Variants in MAML2 observed in about 807,000 individuals in gnomAD.
MAML2 encodes mastermind-like protein 2.
Under a neutral mutation model 96.1 loss-of-function variants are expected in MAML2, and 22 were observed. The observed-to-expected ratio is 0.23, with a 90% confidence interval of 0.16 to 0.33. The LOEUF (loss-of-function observed/expected upper bound fraction) is 0.33. MAML2 is among the 10% of genes least tolerant of loss of function. The pLI, the probability that MAML2 is intolerant of heterozygous loss-of-function variation, is 1.00. For synonymous variants in MAML2, 561 were observed against 521.3 expected (o/e 1.08, Z -1.04); for missense variants, 1,367 against 1,392.4 (o/e 0.98, Z 0.29).
intron 2 of MAML2, among the ~76,000 whole-genome samples, chr11:96,001,862 A>G (rs1210726746): frequency 1.3e-5 from 2 of 152,076 alleles, no homozygotes; most frequent in East Asian, 3.9e-4. Flanking sequence ...CTCACCCTAT[A>G]CAATGGTGAT....
chr11:96,186,396 C>A (rs1372335966), intron 1 of MAML2, among the ~76,000 whole-genome samples: 2 of 152,152 alleles, frequency 1.3e-5, no homozygotes, highest in East Asian at 3.9e-4. Flanking sequence ...TTGAGATCAG[C>A]CTGACCAACA....
At chr11:96,111,403 C>A (rs536044081) in intron 1 of MAML2, among the ~76,000 whole-genome samples, 1 of 152,102 alleles carries the variant, frequency 6.6e-6, no homozygotes, top group Non-Finnish European at 1.5e-5. Flanking sequence ...TTTATCTTTG[C>A]GCGCAGCTGG....
At chr11:96,199,954 T>C (rs1290487057) in intron 1 of MAML2, among the ~76,000 whole-genome samples, 1 of 152,182 alleles carries the variant, frequency 6.6e-6, no homozygotes, top group Non-Finnish European at 1.5e-5. Context: ...ACATTCACCT[T>C]CTCGCTCCAC....
intron 2 of MAML2, among the ~76,000 whole-genome samples, chr11:96,015,328 C>A (rs1216810502): frequency 6.6e-6 from 1 of 152,160 alleles, no homozygotes; most frequent in Non-Finnish European, 1.5e-5. Context: ...TAAGTAGCTT[C>A]ATTTTTCCAA....
chr11:96,047,910 C>CAAAAAAAAAAAAAAAAAAAAAAAAAAAAA (rs71459784), intron 2 of MAML2, among the ~76,000 whole-genome samples: 1 of 82,476 alleles, frequency 1.2e-5, no homozygotes, highest in African/African-American at 4.4e-5. Flanking sequence ...GACTCTGCCT[C>CAAAAAAAAAAAAAAAAAAAAAAAAAAAAA]AAAAAAAAAA....
At chr11:96,318,426 T>C (rs1290863703) in intron 1 of MAML2, among the ~76,000 whole-genome samples, 1 of 152,214 alleles carries the variant, frequency 6.6e-6, no homozygotes, top group Non-Finnish European at 1.5e-5. Context: ...GACAGAGAAG[T>C]GATCATTTAA....
chr11:96,117,583 A>G (rs116061004), intron 1 of MAML2, among the ~76,000 whole-genome samples: 3,700 of 152,244 alleles, frequency 0.024, 144 homozygotes, highest in African/African-American at 0.083. Flanking sequence ...TACAGACATG[A>G]GCCACCATGC....
intron 1 of MAML2, among the ~76,000 whole-genome samples, chr11:96,191,601 C>T (rs377211970): frequency 1.3e-5 from 2 of 151,424 alleles, no homozygotes; most frequent in Non-Finnish European, 2.9e-5. Context: ...GGTGAAACCT[C>T]GTCTACTAAA....
intron 2 of MAML2, among the ~76,000 whole-genome samples, chr11:96,000,182 T>C (rs725271): frequency 0.21 from 31,401 of 152,012 alleles, 3,455 homozygotes; most frequent in East Asian, 0.39. Flanking sequence ...AACAAAACAA[T>C]TGTCAGGAAA....
intron 1 of MAML2, among the ~76,000 whole-genome samples, chr11:96,242,339 A>T (rs12288124): frequency 0.021 from 3,147 of 152,282 alleles, 107 homozygotes; most frequent in South Asian, 0.16. Flanking sequence ...TAGGGATTTT[A>T]AAAAAATGCC....
At chr11:96,116,449 G>T (rs114365301) in intron 1 of MAML2, among the ~76,000 whole-genome samples, 1 of 152,150 alleles carries the variant, frequency 6.6e-6, no homozygotes, top group Admixed American at 6.5e-5. Context: ...GCAGTGGGAC[G>T]CAAACAGAGT....
chr11:96,128,745 G>A (rs1672413452), intron 1 of MAML2, among the ~76,000 whole-genome samples: 1 of 152,180 alleles, frequency 6.6e-6, no homozygotes, highest in Non-Finnish European at 1.5e-5. Context: ...TGTAGAGTTA[G>A]TGACATGTTT....
chr11:96,166,177 TCACACA>T lies in MAML2; in HGVS notation c.514-72666_514-72661del, dbSNP rs1555018442. On this transcript the variant is annotated intron_variant, in intron 1 of 4. Coordinates refer to ENST00000524717, the MANE Select transcript of MAML2 (RefSeq NM_032427.4). ...CTGTCTCTCTCTCTCTCTCTCTCTC[TCACACA>T]CACACACACACACACACACACACAC... Among the ~76,000 whole-genome samples, 89 of 110,384 alleles carry T rather than the reference TCACACA, an allele frequency of 8.1e-4. 1 individual carries two copies. The highest frequency in any genetic ancestry group is 2.7e-3 in the African/African-American group (76 of 28,650). The allele number at this position is 110,384 out of a possible 152,430, so 72.4% of individuals were successfully genotyped here.
intron 1 of MAML2, among the ~76,000 whole-genome samples, chr11:96,339,465 G>C (rs1863961421): frequency 2.0e-5 from 3 of 152,248 alleles, no homozygotes; most frequent in South Asian, 4.1e-4. Flanking sequence ...CAAGGCCAGA[G>C]GCAAACATGC....
At chr11:96,098,678 A>G (rs1859873838) in intron 1 of MAML2, among the ~76,000 whole-genome samples, 1 of 152,140 alleles carries the variant, frequency 6.6e-6, no homozygotes, top group South Asian at 2.1e-4. Flanking sequence ...CCTAGATGCT[A>G]TTTGAGGCCT....
At chr11:96,044,222 G>T (rs569638) in intron 2 of MAML2, among the ~76,000 whole-genome samples, 1 of 152,108 alleles carries the variant, frequency 6.6e-6, no homozygotes, top group Non-Finnish European at 1.5e-5. Context: ...AGAGGGAGGC[G>T]TGCCTGGAAG....
chr11:96,222,356 G>A (rs1390514899), intron 1 of MAML2, among the ~76,000 whole-genome samples: 1 of 152,170 alleles, frequency 6.6e-6, no homozygotes, highest in South Asian at 2.1e-4. Flanking sequence ...ACTGTTGTCA[G>A]TAGCACCATC....
chr11:96,098,754 GC>G (rs1859875157), intron 1 of MAML2, among the ~76,000 whole-genome samples: 1 of 152,222 alleles, frequency 6.6e-6, no homozygotes, highest in African/African-American at 2.4e-5. Context: ...TAGCCTGCCT[GC>G]CCCAACAGCT....
chr11:96,238,115 C>T, intron 1 of MAML2, among the ~76,000 whole-genome samples: 1 of 152,216 alleles, frequency 6.6e-6, no homozygotes, highest in South Asian at 2.1e-4. Context: ...AAATACCCAG[C>T]TCTCAGGACA....
Sources: gnomAD v4.1 joint callset for allele counts (sites outside exome capture counted in the v4.1 genomes callset) on GRCh38, gnomAD v4.1.1 for gene constraint, MANE v1.5 for transcripts, NCBI Gene and HGNC (gene_info 2026-07-23, HGNC 2026-07-21) for gene names.